RALGPS1: variants seen among roughly 807,000 people sequenced by gnomAD.
RALGPS1 encodes Ral GEF with PH domain and SH3 binding motif 1, also known as ras-specific guanine nucleotide-releasing factor RalGPS1.
Under a neutral mutation model 78.8 loss-of-function variants are expected in RALGPS1, and 19 were observed. The observed-to-expected ratio is 0.24, with a 90% confidence interval of 0.17 to 0.35. RALGPS1 has a LOEUF of 0.35. RALGPS1 is among the 10% of genes least tolerant of loss of function. The pLI is 1.00. For missense variants in RALGPS1, 454 were observed against 688.3 expected, an observed-to-expected ratio of 0.66 and a Z score of 3.81; for synonymous variants, 228 against 256.3, an observed-to-expected ratio of 0.89 and a Z score of 1.06.
chr9:127,167,293 G>A (rs929643123), intron 9 of RALGPS1, among the ~76,000 whole-genome samples: 5 of 152,198 alleles, frequency 3.3e-5, no homozygotes, highest in African/African-American at 1.2e-4. Context: ...ACACTTCAGG[G>A]CCGCTTTCCT....
chr9:127,108,740 C>A lies in RALGPS1; in HGVS notation c.610+39384C>A, dbSNP rs751890933. ...ACGCACAGTGGCCTCATGGTCCTTG[C>A]AAAATGGTGGTTATTCTTTGTGAAT... On this transcript the variant is annotated intron_variant, in intron 8 of 18. Coordinates refer to ENST00000259351, the MANE Select transcript of RALGPS1 (RefSeq NM_014636.3). The A allele has an allele frequency of 1.3e-5, 20 of 1,592,232 alleles. No individual in the cohort carries two copies. In the Admixed American group the frequency reaches 3.4e-4, roughly 27 times the overall value.
rs2062706967 is a variant in RALGPS1, at chr9:127,219,079, G to A, written c.*310G>A. 1 of 453,662 alleles carries A rather than the reference G, an allele frequency of 2.2e-6. No homozygotes were observed. Among genetic ancestry groups the A allele is most frequent in the African/African-American group, 2.0e-5 (1 of 50,374 alleles). The allele number at this position is 453,662 out of a possible 1,614,324, so 28.1% of individuals were successfully genotyped here. ...CTAGAGAGCACCCGGCCCACGTTGG[G>A]TTCTCAGTGCTTTCTACTGCACAGA... On this transcript the variant is annotated 3_prime_UTR_variant, in exon 19 of 19. Coordinates refer to ENST00000259351, the MANE Select transcript of RALGPS1 (RefSeq NM_014636.3). This position sits in a 1 kb window ranked among gnomAD's most constrained non-coding sequence, Gnocchi z 5.0.
At chr9:127,052,770 C>T in intron 6 of RALGPS1, 77 bp from the exon 7 acceptor site, 2 of 872,188 alleles carry the variant, frequency 2.3e-6, no homozygotes, top group Non-Finnish European at 3.8e-6. Context: ...ATAAATATGA[C>T]ATTTGGTAAC....
At chr9:126,953,993 C>G (rs1186884736) in intron 1 of RALGPS1, among the ~76,000 whole-genome samples, 1 of 152,160 alleles carries the variant, frequency 6.6e-6, no homozygotes, top group Non-Finnish European at 1.5e-5. Flanking sequence ...CCCTTTGTTC[C>G]CCTGTGCATC....
intron 4 of RALGPS1, among the ~76,000 whole-genome samples, chr9:127,007,443 G>A (rs1005714331): frequency 3.3e-5 from 5 of 152,116 alleles, no homozygotes; most frequent in Non-Finnish European, 7.3e-5. Context: ...CATGACTTGA[G>A]AAGCAATTTA....
At chr9:126,940,785 C>G (rs924255456) in intron 1 of RALGPS1, among the ~76,000 whole-genome samples, 1 of 152,114 alleles carries the variant, frequency 6.6e-6, no homozygotes, top group African/African-American at 2.4e-5. Context: ...TGATTGGCCA[C>G]CAGGTGGTGC....
chr9:127,089,918 AG>A (rs1285971343), intron 8 of RALGPS1, among the ~76,000 whole-genome samples: 1 of 152,172 alleles, frequency 6.6e-6, no homozygotes, highest in Non-Finnish European at 1.5e-5. Context: ...GGGCCTGGCA[AG>A]GGGACCCCGT....
intron 8 of RALGPS1, among the ~76,000 whole-genome samples, chr9:127,151,124 C>T (rs1317678365): frequency 6.6e-6 from 1 of 151,638 alleles, no homozygotes; most frequent in Non-Finnish European, 1.5e-5. Flanking sequence ...GCAGAGGTTG[C>T]AGCGAGCAGA....
chr9:127,125,081 A>G (rs1397058181), intron 8 of RALGPS1, among the ~76,000 whole-genome samples: 2 of 152,186 alleles, frequency 1.3e-5, no homozygotes, highest in African/African-American at 2.4e-5. Context: ...TAGTTCTACC[A>G]TTTGGTTGCT....
At position 127,183,334 on chromosome 9, in the gene RALGPS1, T is replaced by C. The variant is rs2060407153; in HGVS notation, c.910+8552T>C. On this transcript the variant is annotated intron_variant, in intron 11 of 18. Transcript: ENST00000259351. The surrounding 1 kb of genome is among the most constrained non-coding windows in gnomAD (Gnocchi z 4.0). ...CCACAAGTCCCTTGACCCAGGCAGATGCAAACCTATTTTGGGGACCCCTGC... is the reference window on the plus strand; with the variant it reads ...CCACAAGTCCCTTGACCCAGGCAGACGCAAACCTATTTTGGGGACCCCTGC... 1.3e-5 allele frequency among the ~76,000 whole-genome samples: 2 copies of C among 152,210 alleles called. No individual in the cohort carries two copies. Among genetic ancestry groups the C allele is most frequent in the African/African-American group, 2.4e-5 (1 of 41,436 alleles).
intron 7 of RALGPS1, among the ~76,000 whole-genome samples, chr9:127,060,179 C>T (rs919187971): frequency 6.6e-6 from 1 of 152,156 alleles, no homozygotes; most frequent in South Asian, 2.1e-4. Context: ...CAGAGAGACA[C>T]GTCAGGTATT....
chr9:126,916,411 A>G (rs2034163553), intron 1 of RALGPS1, among the ~76,000 whole-genome samples: 1 of 152,150 alleles, frequency 6.6e-6, no homozygotes, highest in Non-Finnish European at 1.5e-5. Context: ...GAGGACTCTG[A>G]GCTGGAACAT....
At chr9:127,128,383 G>A (rs1564632167) in intron 8 of RALGPS1, among the ~76,000 whole-genome samples, 2 of 152,232 alleles carry the variant, frequency 1.3e-5, no homozygotes, top group Admixed American at 6.5e-5. Flanking sequence ...TCAGTGGTGT[G>A]TCATAGTCTA....
intron 4 of RALGPS1, among the ~76,000 whole-genome samples, chr9:126,982,925 CTTCTTTTTTTTTTTTTTT>C (rs1210134537): frequency 3.7e-5 from 2 of 54,574 alleles, no homozygotes; most frequent in Non-Finnish European, 8.5e-5. Context: ...TCTTCTTCTT[CTTCTTTTTTTTTTTTTTT>C]TTTTTTTTTT....
At chr9:126,948,838 T>C (rs1368042973) in intron 1 of RALGPS1, among the ~76,000 whole-genome samples, 1 of 152,058 alleles carries the variant, frequency 6.6e-6, no homozygotes, top group Admixed American at 6.5e-5. Flanking sequence ...TATTATACTT[T>C]AAGTTTTAGG....
At chr9:126,962,406 G>C in intron 2 of RALGPS1, 60 bp downstream of exon 2, 5 of 1,561,864 alleles carry the variant, frequency 3.2e-6, no homozygotes, top group Non-Finnish European at 4.4e-6. Context: ...GCTAACCCAG[G>C]CCCCAGCTGA....
chr9:127,040,549 C>G (rs932246476), intron 5 of RALGPS1, among the ~76,000 whole-genome samples: 3 of 152,104 alleles, frequency 2.0e-5, no homozygotes, highest in African/African-American at 7.2e-5. Flanking sequence ...AGAGTAAGGA[C>G]TAGAATGTTT....
chr9:127,055,139 TG>T (rs2048629746), intron 7 of RALGPS1, among the ~76,000 whole-genome samples: 1 of 152,226 alleles, frequency 6.6e-6, no homozygotes, highest in African/African-American at 2.4e-5. Context: ...ATCTGGGTTG[TG>T]TTCTTCCTCA....
At chr9:127,213,509 A>G (rs1016245217) in intron 17 of RALGPS1, among the ~76,000 whole-genome samples, 3 of 152,186 alleles carry the variant, frequency 2.0e-5, no homozygotes, top group East Asian at 3.9e-4. Context: ...TTCTCTAGCT[A>G]TCTCCCAGTT....
Sources: gnomAD v4.1 joint callset for allele counts (sites outside exome capture counted in the v4.1 genomes callset) on GRCh38, gnomAD v4.1.1 for gene constraint, Gnocchi (gnomAD v3.1) non-coding constraint, MANE v1.5 for transcripts, NCBI Gene and HGNC (gene_info 2026-07-23, HGNC 2026-07-21) for gene names.